Variants in CACNA1A observed in about 807,000 individuals in gnomAD.
CACNA1A encodes calcium voltage-gated channel subunit alpha1 A, also known as voltage-dependent P/Q-type calcium channel subunit alpha-1A.
Under a neutral mutation model 262.4 loss-of-function variants are expected in CACNA1A, and 57 were observed. The ratio of observed to expected loss-of-function variants is 0.22; its 90% CI spans 0.18 to 0.27. The LOEUF is 0.27. Among genes scored for constraint, CACNA1A ranks in the 10% least tolerant of loss-of-function variants. CACNA1A has a pLI of 1.00. For synonymous variants in CACNA1A, 1,431 were observed against 1,419.3 expected (o/e 1.01, Z -0.18); for missense variants, 2,526 against 3,562.8 (o/e 0.71, Z 7.41).
At chr19:13,456,944 G>A (rs575622801) in intron 1 of CACNA1A, among the ~76,000 whole-genome samples, 1 of 151,986 alleles carries the variant, frequency 6.6e-6, no homozygotes, top group Non-Finnish European at 1.5e-5. Context: ...CCTCATGCTG[G>A]TGGGAATATA....
At chr19:13,345,181 T>C (rs536740615) in intron 6 of CACNA1A, among the ~76,000 whole-genome samples, 1 of 152,290 alleles carries the variant, frequency 6.6e-6, no homozygotes, top group Non-Finnish European at 1.5e-5. Context: ...CAAGTCTTTT[T>C]GGGCTGATGA....
At chr19:13,319,625 T>C (rs1238393045) in intron 10 of CACNA1A, among the ~76,000 whole-genome samples, 2 of 152,214 alleles carry the variant, frequency 1.3e-5, no homozygotes, top group Admixed American at 6.5e-5. Context: ...CTAGGGGCCA[T>C]ACCGACTCAT....
At position 13,419,741 on chromosome 19, in the gene CACNA1A, A is replaced by T. The variant is rs113657991; in HGVS notation, c.539+33135T>A. ...CAAGATCTGTAGATTTTGTTATCTA[A>T]TTAGACCCAGGATAGAATGGATGTG... is the stretch of plus-strand genomic sequence containing the variant. On this transcript the variant is annotated intron_variant, in intron 3 of 46. Transcript: ENST00000360228. Among the ~76,000 whole-genome samples the T allele has an allele frequency of 4.0e-3, 603 of 152,196 alleles. 4 individuals carry two copies. The highest frequency in any genetic ancestry group is 0.014 in the African/African-American group (580 of 41,550).
In CACNA1A at chr19:13,207,755, C is replaced by T; in HGVS notation, c.7079G>A (p.Ser2360Asn). 7.3e-7 allele frequency: 1 copy of T among 1,374,946 alleles called. No individual in the cohort carries two copies. Among genetic ancestry groups the T allele is most frequent in the East Asian group, 3.1e-5 (1 of 32,598 alleles). 85.2% of individuals were successfully genotyped at this position (1,374,946 alleles called of 1,614,324 possible). Residue 2360 changes from serine (S) to asparagine (N), a missense_variant, in exon 47 of 47, where the codon AGC becomes AAC. Transcript: ENST00000360228. This position sits in a 1 kb window ranked among gnomAD's most constrained non-coding sequence, Gnocchi z 5.7. ...CTCCATCCTGGGCGAGCGGCCGCTG[C>T]TGTGGCCCCCCGTGGGCGGCCGATC... ...AGDRPPTGGH[S>N]SGRSPRMERR...
chr19:13,275,683 C>T, intron 24 of CACNA1A, 167 bp downstream of exon 24: 1 of 642,968 alleles, frequency 1.6e-6, no homozygotes, highest in Non-Finnish European at 2.8e-6. Context: ...GGACATCATG[C>T]AAAAAGCCAT....
intron 1 of CACNA1A, among the ~76,000 whole-genome samples, chr19:13,458,237 G>A (rs1269293346): frequency 1.3e-5 from 2 of 152,070 alleles, no homozygotes; most frequent in South Asian, 2.1e-4. Context: ...ATAGCTCACC[G>A]CAGCCTTGAA....
chr19:13,211,856 G>GCCACTGC, intron 43 of CACNA1A: 1 of 466,804 alleles, frequency 2.1e-6, no homozygotes, highest in Non-Finnish European at 3.9e-6. Context: ...TTTTGCAGTG[G>GCCACTGC]CCACTGCCCT....
chr19:13,328,242 G>A (rs1395105499), intron 10 of CACNA1A, among the ~76,000 whole-genome samples: 3 of 152,154 alleles, frequency 2.0e-5, no homozygotes, highest in Non-Finnish European at 4.4e-5. Context: ...AACGTAACAC[G>A]TGAGACAGAC....
At chr19:13,502,393 C>T (rs1006758414) in intron 1 of CACNA1A, among the ~76,000 whole-genome samples, 2 of 152,148 alleles carry the variant, frequency 1.3e-5, no homozygotes, top group African/African-American at 2.4e-5. Context: ...AGTGGGAGAC[C>T]TGGTGGCACA....
chr19:13,367,942 G>C (rs1037292608), intron 4 of CACNA1A, among the ~76,000 whole-genome samples: 19 of 152,068 alleles, frequency 1.2e-4, no homozygotes, highest in Non-Finnish European at 2.6e-4. Flanking sequence ...AAATCCTTTT[G>C]GGAGAGGAAG....
At chr19:13,297,940 C>T (rs941273756) in intron 19 of CACNA1A, among the ~76,000 whole-genome samples, 3 of 151,972 alleles carry the variant, frequency 2.0e-5, no homozygotes, top group South Asian at 2.1e-4. Context: ...AACTGATTCT[C>T]CCGCCTCAGC....
In CACNA1A at chr19:13,409,523, T is replaced by C. The variant is rs1041242669; in HGVS notation, c.540-37744A>G. ...CGCCTGGTACAAAGTAAATGTCTCC[T>C]CAAATAATAATAAGAAGAAGAAGAA... On this transcript the variant is annotated intron_variant, in intron 3 of 46. Transcript: ENST00000360228. 4.6e-5 allele frequency among the ~76,000 whole-genome samples: 7 copies of C among 152,072 alleles called. 1 individual carries two copies. Among genetic ancestry groups the C allele is most frequent in the South Asian group, 4.1e-4 (2 of 4,822 alleles).
intron 1 of CACNA1A, among the ~76,000 whole-genome samples, chr19:13,471,648 T>C (rs1041169388): frequency 2.0e-5 from 3 of 152,202 alleles, no homozygotes; most frequent in Admixed American, 2.0e-4. Flanking sequence ...CAGGGCATTA[T>C]GCTAAGTGAA....
At chr19:13,231,976 G>T in intron 34 of CACNA1A, 116 bp from the exon 35 acceptor site, 2 of 987,422 alleles carry the variant, frequency 2.0e-6, no homozygotes, top group Non-Finnish European at 3.0e-6. Context: ...GGCCAGGCAA[G>T]CCCCAGGTGG....
chr19:13,463,480 C>G (rs2061163975), intron 1 of CACNA1A, among the ~76,000 whole-genome samples: 1 of 152,186 alleles, frequency 6.6e-6, no homozygotes, highest in African/African-American at 2.4e-5. Flanking sequence ...AAGGGCAACC[C>G]TAGCGCTGCC....
At chr19:13,306,941 C>T (rs1215100037) in intron 15 of CACNA1A, among the ~76,000 whole-genome samples, 2 of 152,094 alleles carry the variant, frequency 1.3e-5, no homozygotes, top group Admixed American at 6.6e-5. Context: ...TGCTCCTTCT[C>T]TGAGGATCTG....
chr19:13,421,915 A>G (rs1029691284), intron 3 of CACNA1A, among the ~76,000 whole-genome samples: 3 of 152,222 alleles, frequency 2.0e-5, no homozygotes, highest in African/African-American at 7.2e-5. Flanking sequence ...AATAATGCCT[A>G]TTCTGAGACT....
intron 19 of CACNA1A, among the ~76,000 whole-genome samples, chr19:13,295,528 G>C (rs1366059569): frequency 7.2e-6 from 1 of 137,994 alleles, no homozygotes; most frequent in East Asian, 2.1e-4. Context: ...GACTTGTTCT[G>C]TTGCCCAGGT....
At chr19:13,417,889 C>CAAAAAAA (rs113789898) in intron 3 of CACNA1A, among the ~76,000 whole-genome samples, 1 of 83,426 alleles carries the variant, frequency 1.2e-5, no homozygotes, top group Non-Finnish European at 2.3e-5. Context: ...GACTCCATCT[C>CAAAAAAA]AAAAAAAAAA....
Sources: allele counts gnomAD v4.1 joint callset (sites outside exome capture counted in the v4.1 genomes callset), GRCh38; gene constraint gnomAD v4.1.1; non-coding constraint Gnocchi (gnomAD v3.1); transcripts MANE v1.5; gene names NCBI Gene and HGNC (gene_info 2026-07-23, HGNC 2026-07-21).